Variants in HDAC9 observed in about 807,000 individuals in gnomAD.
HDAC9 encodes the protein histone deacetylase 9, also known as MEF-2 interacting transcription repressor (MITR) protein.
HDAC9 carries 41 observed loss-of-function variants against 139.4 expected under a neutral mutation model. The observed-to-expected ratio is 0.29, with a 90% CI of 0.23 to 0.38. HDAC9 has a LOEUF of 0.38. Ranked by LOEUF, HDAC9 falls within the 10% of genes least tolerant of loss-of-function variation. HDAC9 has a pLI of 1.00. For missense variants in HDAC9, 1,147 were observed against 1,297.0 expected (o/e 0.88, Z 1.78); for synonymous variants, 517 against 476.2 (o/e 1.09, Z -1.12).
Position 18,575,679 on chromosome 7 carries a change from T to G in HDAC9, c.23-9602T>G, listed in dbSNP as rs1002646542. 3.3e-5 allele frequency among the ~76,000 whole-genome samples: 5 copies of G among 152,262 alleles called. No individual in the cohort carries two copies. In the East Asian group the frequency reaches 5.8e-4, roughly 18 times the overall value. ...GCCAGAAATGTGTTAACTTAGAAAT[T>G]TAACTAGTAAAACAGCATATATTTG... On this transcript the variant is annotated intron_variant, in intron 2 of 25. Transcript: ENST00000686413.
At chr7:18,100,837 A>G (rs1782804130) in intron 1 of HDAC9, among the ~76,000 whole-genome samples, 1 of 152,128 alleles carries the variant, frequency 6.6e-6, no homozygotes, top group African/African-American at 2.4e-5. Flanking sequence ...GGTGCTGGAT[A>G]TTTTTATATT....
chr7:18,405,109 C>T (rs894789792), intron 1 of HDAC9, among the ~76,000 whole-genome samples: 1 of 152,208 alleles, frequency 6.6e-6, no homozygotes, highest in Non-Finnish European at 1.5e-5. Context: ...CATGCGCAAA[C>T]TCCATATAGA....
At chr7:18,973,210 T>G (rs1172980129) in intron 24 of HDAC9, among the ~76,000 whole-genome samples, 2 of 152,166 alleles carry the variant, frequency 1.3e-5, no homozygotes, top group Non-Finnish European at 2.9e-5. Context: ...GGCACATATT[T>G]AGTTCTCAAT....
intron 2 of HDAC9, among the ~76,000 whole-genome samples, chr7:18,207,214 C>T (rs1476150133): frequency 2.0e-5 from 3 of 152,080 alleles, no homozygotes; most frequent in Non-Finnish European, 4.4e-5. Flanking sequence ...GCTGGGATTA[C>T]AGGCATGAGC....
chr7:18,817,126 C>T (rs919476003), intron 17 of HDAC9, among the ~76,000 whole-genome samples: 55 of 151,900 alleles, frequency 3.6e-4, no homozygotes, highest in Non-Finnish European at 3.1e-4. Flanking sequence ...GCTCCGCCTC[C>T]GGGGTTCACG....
chr7:18,218,612 C>T lies in HDAC9; in HGVS notation c.25+56263C>T, dbSNP rs531290838. On this transcript the variant is annotated intron_variant, in intron 2 of 12. Transcript: ENST00000417496. The stretch of plus-strand genomic sequence containing the variant: ...GGGCCATCTTGAAAGCTATCCACCA[C>T]ACACAGAAGGACATAGAAGTTACGC... Among the ~76,000 whole-genome samples, 8 of 152,258 alleles carry T rather than the reference C, an allele frequency of 5.3e-5. No homozygotes were observed. The East Asian group carries it at 5.8e-4, about 11-fold the overall frequency.
chr7:18,433,668 T>A (rs1002223388), intron 1 of HDAC9, among the ~76,000 whole-genome samples: 5 of 151,986 alleles, frequency 3.3e-5, no homozygotes, highest in African/African-American at 1.2e-4. Flanking sequence ...CCATTCACAA[T>A]AGACACACAC....
intron 1 of HDAC9, among the ~76,000 whole-genome samples, chr7:18,445,376 A>G (rs1443682649): frequency 2.0e-5 from 3 of 151,980 alleles, no homozygotes; most frequent in Non-Finnish European, 4.4e-5. Flanking sequence ...ATATATTTAT[A>G]TTTTTTTATG....
At chr7:18,725,646 A>G (rs1303728573) in intron 12 of HDAC9, among the ~76,000 whole-genome samples, 1 of 152,106 alleles carries the variant, frequency 6.6e-6, no homozygotes, top group African/African-American at 2.4e-5. Context: ...AAGGGAGGAG[A>G]TGGATATTAC....
chr7:18,590,557 C>A, intron 4 of HDAC9, 71 bp downstream of exon 4: 3 of 1,455,240 alleles, frequency 2.1e-6, no homozygotes, highest in Non-Finnish European at 2.8e-6. Context: ...AGAACAAAGC[C>A]TGATAAAGAG....
In HDAC9 at chr7:18,273,074, T is replaced by TGG. The variant is rs1208738337; in HGVS notation, c.25+110725_25+110726insGG. ...CTTCTTCGTTTTTTTTTTTTTTTTT[T>TGG]TTTTTTTTTGAACAAGACAGGATGT... On this transcript the variant is annotated intron_variant, in intron 2 of 12. Coordinates refer to the HDAC9 transcript ENST00000417496. 3.2e-4 allele frequency among the ~76,000 whole-genome samples: 38 copies of TGG among 117,558 alleles called. 3 individuals carry two copies. Among genetic ancestry groups the TGG allele is most frequent in the Non-Finnish European group, 5.3e-4 (30 of 56,996 alleles). 77.1% of individuals were successfully genotyped at this position (117,558 alleles called of 152,430 possible).
chr7:18,163,477 A>T (rs529309895), intron 2 of HDAC9, among the ~76,000 whole-genome samples: 2 of 152,282 alleles, frequency 1.3e-5, no homozygotes, highest in Admixed American at 1.3e-4. Context: ...CTATTCTCAT[A>T]GTTTTTGATT....
chr7:18,666,539 A>C (rs2129076002), intron 12 of HDAC9, 63 bp downstream of exon 12: 1 of 1,564,062 alleles, frequency 6.4e-7, no homozygotes, highest in Non-Finnish European at 8.7e-7. Context: ...CATGAAATGC[A>C]TTGCAGGTTT....
chr7:18,534,284 A>T (rs1810101466), intron 2 of HDAC9, among the ~76,000 whole-genome samples: 1 of 152,150 alleles, frequency 6.6e-6, no homozygotes, highest in Non-Finnish European at 1.5e-5. Context: ...TGCAGGCGTG[A>T]TGGCTCACAG....
intron 1 of HDAC9, among the ~76,000 whole-genome samples, chr7:18,323,941 T>G (rs1013680303): frequency 1.2e-4 from 18 of 151,816 alleles, no homozygotes; most frequent in Non-Finnish European, 2.4e-4. Flanking sequence ...TTTTGTTTTT[T>G]TTTTTTTTCA....
chr7:18,869,528 T>C (rs1331433787), intron 21 of HDAC9, among the ~76,000 whole-genome samples: 1 of 152,146 alleles, frequency 6.6e-6, no homozygotes, highest in Non-Finnish European at 1.5e-5. Flanking sequence ...ATTAAAGCTC[T>C]TTTCTTTATA....
intron 2 of HDAC9, among the ~76,000 whole-genome samples, chr7:18,175,739 C>G (rs1788840139): frequency 1.3e-5 from 2 of 148,396 alleles, no homozygotes; most frequent in African/African-American, 5.0e-5. Flanking sequence ...AATTGATAAG[C>G]TTTGAGGTAA....
chr7:18,306,015 A>G (rs1798883425), intron 1 of HDAC9, among the ~76,000 whole-genome samples: 1 of 152,198 alleles, frequency 6.6e-6, no homozygotes, highest in Non-Finnish European at 1.5e-5. Context: ...ACATGGAATG[A>G]AGTGTAAGTT....
chr7:18,275,371 A>G (rs1367360288), intron 2 of HDAC9, among the ~76,000 whole-genome samples: 1 of 152,082 alleles, frequency 6.6e-6, no homozygotes, highest in East Asian at 1.9e-4. Context: ...CTTTCACCCC[A>G]GAAACTCTTC....
Sources: allele counts gnomAD v4.1 joint callset (sites outside exome capture counted in the v4.1 genomes callset), GRCh38; gene constraint gnomAD v4.1.1; transcripts MANE v1.5; gene names NCBI Gene and HGNC (gene_info 2026-07-23, HGNC 2026-07-21).